Variants in ITGA4 observed in about 807,000 individuals in gnomAD.
The protein encoded by ITGA4 is integrin alpha-4.
Under a neutral mutation model 133.6 loss-of-function variants are expected in ITGA4, and 63 were observed. The observed-to-expected ratio is 0.47, with a 90% CI of 0.38 to 0.58. The LOEUF (loss-of-function observed/expected upper bound fraction) is 0.58, where lower values mean the gene tolerates loss of function less well. Among genes scored for constraint, ITGA4 ranks in the 20% least tolerant of loss-of-function variants. The pLI is 0.00. For synonymous variants in ITGA4, 483 were observed against 438.0 expected (o/e 1.10, Z -1.28); for missense variants, 1,076 against 1,252.7 (o/e 0.86, Z 2.13).
At chr2:181,464,651 A>G (rs946416291) in intron 2 of ITGA4, among the ~76,000 whole-genome samples, 6 of 152,112 alleles carry the variant, frequency 3.9e-5, no homozygotes, top group African/African-American at 1.4e-4. Flanking sequence ...TAAATGTGAA[A>G]TAATTTTCAT....
At chr2:181,526,103 T>A (rs1686825760) in intron 21 of ITGA4, among the ~76,000 whole-genome samples, 1 of 152,164 alleles carries the variant, frequency 6.6e-6, no homozygotes, top group Admixed American at 6.6e-5. Flanking sequence ...CAGTGTCTGA[T>A]GGAATTGAGT....
At chr2:181,496,003 C>A in intron 14 of ITGA4, 66 bp downstream of exon 14, 1 of 1,507,804 alleles carries the variant, frequency 6.6e-7, no homozygotes, top group Non-Finnish European at 9.1e-7. Flanking sequence ...CACAATCCTG[C>A]TTGGAGCCCT....
intron 14 of ITGA4, 132 bp from the exon 15 acceptor site, chr2:181,498,491 A>G (rs188893076): frequency 2.3e-4 from 110 of 472,118 alleles, no homozygotes; most frequent in African/African-American, 1.5e-3. Flanking sequence ...TAGTCTTTAA[A>G]AAGCTGTTTA....
chr2:181,474,773 C>A (rs1685636474), intron 2 of ITGA4, among the ~76,000 whole-genome samples, 187 bp from the exon 3 acceptor site: 1 of 152,160 alleles, frequency 6.6e-6, no homozygotes. Flanking sequence ...ATTTCTACAA[C>A]CAAAGTCACC....
chr2:181,504,837 T>G (rs1168085191), intron 15 of ITGA4, among the ~76,000 whole-genome samples: 1 of 151,924 alleles, frequency 6.6e-6, no homozygotes, highest in Admixed American at 6.6e-5. Flanking sequence ...GTTAGGGCAT[T>G]TGTCTTAGGG....
Position 181,490,513 on chromosome 2 carries a change from GTGTGTGTGTGTGTC to G in ITGA4, c.1154-2801_1154-2788del, listed in dbSNP as rs1263647300. On this transcript the variant is annotated intron_variant, in intron 10 of 27. Transcript: ENST00000397033. ...TGTGTGTGTGTGTGTGTGTGTGTGT[GTGTGTGTGTGTGTC>G]TGTGTGTGTGAGAGAGAACCTCTTT... Among the ~76,000 whole-genome samples, 34 of 149,244 alleles carry G rather than the reference GTGTGTGTGTGTGTC, an allele frequency of 2.3e-4. No homozygotes were observed. The South Asian group carries it at 5.7e-3, about 25-fold the overall frequency.
intron 2 of ITGA4, among the ~76,000 whole-genome samples, chr2:181,471,304 G>T (rs1685544857): frequency 6.6e-6 from 1 of 152,078 alleles, no homozygotes; most frequent in Non-Finnish European, 1.5e-5. Flanking sequence ...TGGGCTGTTT[G>T]TCGGGGGTGG....
Position 181,522,296 on chromosome 2 carries a change from T to G in ITGA4, c.2028T>G (p.His676Gln), listed in dbSNP as rs1347683866. Residue 676 changes from histidine to glutamine, a missense_variant, in exon 18 of 28, where the codon CAT becomes CAG. Physicochemically the swap from His to Gln is conservative, Grantham distance 24. Coordinates refer to ENST00000397033, the MANE Select transcript of ITGA4 (RefSeq NM_000885.6). ...ATGATGCATATGAAACGACTCTACA[T>G]GTCAAACTACCCGTGGGTCTTTATT... ...AGDDAYETTLHVKLPVGLYFI... is the reference protein window; with the variant it reads ...AGDDAYETTLQVKLPVGLYFI... 1.9e-6 allele frequency: 3 copies of G among 1,610,538 alleles called. No homozygotes were observed. The highest frequency in any genetic ancestry group is 2.7e-5 in the African/African-American group (2 of 74,914).
At chr2:181,514,922 C>G (rs1470917970) in intron 17 of ITGA4, among the ~76,000 whole-genome samples, 1 of 152,042 alleles carries the variant, frequency 6.6e-6, no homozygotes, top group South Asian at 2.1e-4. Flanking sequence ...TTTCTTGCAG[C>G]CTATCAAACC....
chr2:181,501,544 G>A (rs1172365548), intron 15 of ITGA4, among the ~76,000 whole-genome samples: 5 of 152,178 alleles, frequency 3.3e-5, no homozygotes, highest in Non-Finnish European at 5.9e-5. Flanking sequence ...ATGGAGAAGA[G>A]GCTACTGTGG....
chr2:181,524,779 A>G lies in ITGA4; in HGVS notation c.2250-423A>G, dbSNP rs552296096. 2.0e-5 allele frequency among the ~76,000 whole-genome samples: 3 copies of G among 152,332 alleles called. No individual in the cohort carries two copies. The East Asian group carries it at 5.8e-4, about 29-fold the overall frequency. ...GTTAAGGCAGTACATGACTTGCTATACAGTTTAAAAAATTATATGATTGAT... is the reference window on the plus strand; with the variant it reads ...GTTAAGGCAGTACATGACTTGCTATGCAGTTTAAAAAATTATATGATTGAT... On this transcript the variant is annotated intron_variant, in intron 20 of 27. Transcript: ENST00000397033.
intron 10 of ITGA4, among the ~76,000 whole-genome samples, chr2:181,492,437 G>T (rs977443424): frequency 2.0e-5 from 3 of 152,144 alleles, no homozygotes; most frequent in Non-Finnish European, 4.4e-5. Flanking sequence ...ATGGTAATAA[G>T]TAATATCATG....
intron 17 of ITGA4, among the ~76,000 whole-genome samples, chr2:181,517,331 A>G (rs1027347782): frequency 6.6e-6 from 1 of 152,042 alleles, no homozygotes; most frequent in African/African-American, 2.4e-5. Context: ...TCATTATACT[A>G]AGACTTGGGG....
intron 4 of ITGA4, among the ~76,000 whole-genome samples, chr2:181,478,308 G>C (rs1050287311): frequency 4.6e-5 from 7 of 152,050 alleles, no homozygotes; most frequent in African/African-American, 1.7e-4. Context: ...TAATAATTGT[G>C]CACTGGAAAT....
chr2:181,515,099 A>C (rs1350066518), intron 17 of ITGA4, among the ~76,000 whole-genome samples: 1 of 152,108 alleles, frequency 6.6e-6, no homozygotes, highest in Non-Finnish European at 1.5e-5. Context: ...ACCAGGCCAC[A>C]GATCTTCACA....
In ITGA4 at chr2:181,457,813, C is replaced by A. The variant is rs1685163687; in HGVS notation, c.159C>A (p.Gly53=). The A allele has an allele frequency of 1.2e-6, 2 of 1,613,454 alleles. No homozygotes were observed. Among genetic ancestry groups the A allele is most frequent in the African/African-American group, 2.7e-5 (2 of 74,938 alleles). The change falls in exon 1 of 28, where the codon GGC becomes GGA. Residue 53 remains glycine, a synonymous_variant. Coordinates refer to ENST00000397033, the MANE Select transcript of ITGA4 (RefSeq NM_000885.6). ...LYQGPHNTLF[G]YSVVLHSHGA... is the part of the protein sequence containing the mutation. ...AGGGCCCCCACAACACGCTGTTCGG[C>A]TACTCGGTCGTGCTGCACAGCCACG...
intron 2 of ITGA4, among the ~76,000 whole-genome samples, chr2:181,471,739 A>G (rs928181450): frequency 2.0e-5 from 3 of 152,162 alleles, no homozygotes; most frequent in African/African-American, 7.2e-5. Context: ...TCTATTTGGA[A>G]TCTCTTCTGC....
intron 6 of ITGA4, among the ~76,000 whole-genome samples, chr2:181,480,877 C>G (rs575830631): frequency 2.6e-5 from 4 of 152,224 alleles, no homozygotes; most frequent in African/African-American, 9.6e-5. Context: ...ACTTTATCAT[C>G]TGTATTTCAA....
In ITGA4 at chr2:181,536,325, A is replaced by T. The variant is rs1364694016; in HGVS notation, c.*798A>T. The T allele has an allele frequency of 1.3e-5, 2 of 152,112 alleles. No individual in the cohort carries two copies. The highest frequency in any genetic ancestry group is 2.9e-5 in the Non-Finnish European group (2 of 68,000). The allele number at this position is 152,112 out of a possible 1,614,324, so 9.4% of individuals were successfully genotyped here. On this transcript the variant is annotated 3_prime_UTR_variant, in exon 28 of 28. Transcript: ENST00000397033. ...CCTTTATCAAGCATACCCAGGAGTAATCTTCAAATCTTTTGTTATATTCTG... is the reference window on the plus strand; with the variant it reads ...CCTTTATCAAGCATACCCAGGAGTATTCTTCAAATCTTTTGTTATATTCTG...
Sources: gnomAD v4.1 joint callset for allele counts (sites outside exome capture counted in the v4.1 genomes callset) on GRCh38, gnomAD v4.1.1 for gene constraint, MANE v1.5 for transcripts, NCBI Gene and HGNC (gene_info 2026-07-23, HGNC 2026-07-21) for gene names.